Variants in WWOX observed in about 807,000 individuals in gnomAD.
WWOX encodes the protein WW domain-containing oxidoreductase.
In WWOX, 69 loss-of-function variants were observed where a neutral mutation model predicts 46.2. That is an observed-to-expected ratio of 1.49 (90% CI 1.23 to 1.82). The LOEUF (loss-of-function observed/expected upper bound fraction) is 1.82. Among genes scored for constraint, WWOX ranks in the 40% most tolerant of loss-of-function variants. The pLI is 0.00. For missense variants in WWOX, 919 were observed against 542.6 expected (o/e 1.69, Z -6.89); for synonymous variants, 359 against 202.6 (o/e 1.77, Z -6.56).
chr16:79,080,761 G>T (rs2048745925), intron 8 of WWOX, among the ~76,000 whole-genome samples: 1 of 152,146 alleles, frequency 6.6e-6, no homozygotes, highest in African/African-American at 2.4e-5. Flanking sequence ...GAAGCCAGGA[G>T]TTTGAGACCA....
intron 8 of WWOX, among the ~76,000 whole-genome samples, chr16:79,081,013 C>T (rs74753708): frequency 0.067 from 10,250 of 152,140 alleles, 423 homozygotes; most frequent in Non-Finnish European, 0.089. Context: ...CATGCACACC[C>T]ACCAGGCTCT....
intron 8 of WWOX, among the ~76,000 whole-genome samples, chr16:78,700,130 C>G (rs563922714): frequency 2.6e-5 from 4 of 151,866 alleles, no homozygotes; most frequent in East Asian, 1.9e-4. Context: ...CGTGGACTGT[C>G]TTAGTCAGTC....
At chr16:79,148,270 C>G (rs1376224660) in intron 8 of WWOX, among the ~76,000 whole-genome samples, 3 of 152,142 alleles carry the variant, frequency 2.0e-5, no homozygotes, top group Admixed American at 1.3e-4. Context: ...AGGTTAAGGT[C>G]AAGTCTAATA....
intron 8 of WWOX, among the ~76,000 whole-genome samples, chr16:78,650,301 T>A (rs766659049): frequency 6.6e-6 from 1 of 152,242 alleles, no homozygotes; most frequent in Non-Finnish European, 1.5e-5. Context: ...CCGCTTTTTG[T>A]CTTTCAGAAT....
At chr16:79,015,010 C>A (rs1164448017) in intron 8 of WWOX, among the ~76,000 whole-genome samples, 1 of 152,160 alleles carries the variant, frequency 6.6e-6, no homozygotes, top group Non-Finnish European at 1.5e-5. Context: ...GATGGAAAGG[C>A]AGAAATCCAA....
chr16:79,188,839 C>A (rs1271433766), intron 8 of WWOX, among the ~76,000 whole-genome samples: 1 of 152,220 alleles, frequency 6.6e-6, no homozygotes, highest in Non-Finnish European at 1.5e-5. Flanking sequence ...TCTCACCTTG[C>A]ATTTCTGTGG....
chr16:78,340,327 G>C (rs1211747390), intron 5 of WWOX, among the ~76,000 whole-genome samples: 1 of 116,536 alleles, frequency 8.6e-6, no homozygotes, highest in African/African-American at 2.9e-5. Flanking sequence ...CTCCCAAGTC[G>C]CTGGGACTAC....
chr16:78,107,477 C>T (rs190771050), intron 1 of WWOX, among the ~76,000 whole-genome samples: 98 of 152,236 alleles, frequency 6.4e-4, no homozygotes, highest in African/African-American at 2.3e-3. Flanking sequence ...CTTATAGTAG[C>T]CCCTGAGACC....
chr16:78,217,365 C>G (rs1291841198), intron 5 of WWOX, among the ~76,000 whole-genome samples: 1 of 152,188 alleles, frequency 6.6e-6, no homozygotes, highest in African/African-American at 2.4e-5. Flanking sequence ...TATATAGGTA[C>G]AACTCTGGTG....
chr16:78,939,399 T>A (rs1453098651), intron 8 of WWOX, among the ~76,000 whole-genome samples: 1 of 152,210 alleles, frequency 6.6e-6, no homozygotes, highest in Admixed American at 6.5e-5. Context: ...TTTTGTGCAT[T>A]ACTTTTGATT....
At chr16:78,335,640 A>G (rs901690408) in intron 5 of WWOX, among the ~76,000 whole-genome samples, 2 of 152,204 alleles carry the variant, frequency 1.3e-5, no homozygotes, top group Non-Finnish European at 2.9e-5. Flanking sequence ...ATAAAGGTAC[A>G]TGCACATGTA....
intron 8 of WWOX, among the ~76,000 whole-genome samples, chr16:79,093,024 A>G (rs949221403): frequency 6.6e-6 from 1 of 152,240 alleles, no homozygotes. Context: ...AACCGCAATT[A>G]CTTTTGCACC....
chr16:78,157,865 G>A (rs990999281), intron 4 of WWOX, among the ~76,000 whole-genome samples: 4 of 152,310 alleles, frequency 2.6e-5, no homozygotes, highest in African/African-American at 7.2e-5. Context: ...TAGGTCGTAC[G>A]AATTGGGTAA....
intron 8 of WWOX, among the ~76,000 whole-genome samples, chr16:79,158,188 A>G (rs2050418694): frequency 6.6e-6 from 1 of 152,242 alleles, no homozygotes; most frequent in Non-Finnish European, 1.5e-5. Flanking sequence ...GGGATTTCAT[A>G]GATGAGGTGA....
intron 8 of WWOX, among the ~76,000 whole-genome samples, chr16:79,031,181 C>A (rs1043324073): frequency 6.6e-6 from 1 of 151,906 alleles, no homozygotes; most frequent in African/African-American, 2.4e-5. Context: ...TATGCGGAAG[C>A]CTTCGCCCCC....
intron 8 of WWOX, among the ~76,000 whole-genome samples, chr16:78,929,895 T>C (rs180990612): frequency 3.9e-5 from 6 of 152,282 alleles, no homozygotes; most frequent in African/African-American, 1.4e-4. Context: ...TCCTTCTTTC[T>C]TAGAAGCAGA....
intron 5 of WWOX, among the ~76,000 whole-genome samples, chr16:78,204,856 C>T (rs1220614939): frequency 6.6e-6 from 1 of 152,178 alleles, no homozygotes; most frequent in Non-Finnish European, 1.5e-5. Flanking sequence ...TTATGTCTTA[C>T]CTCCTTGCCA....
Position 79,172,860 on chromosome 16 carries a change from GAAAA to G in WWOX, c.1057-38738_1057-38735del, listed in dbSNP as rs67426071. 4.1e-5 allele frequency among the ~76,000 whole-genome samples: 6 copies of G among 145,510 alleles called. No homozygotes were observed. The East Asian group carries it at 1.0e-3, about 25-fold the overall frequency. ...GGGCAATATAGACTACCTGCAAAAA[GAAAA>G]AAAAAAAAATGCCAGGTGTAGTGGT... On this transcript the variant is annotated intron_variant, in intron 8 of 8. Coordinates refer to ENST00000566780, the MANE Select transcript of WWOX (RefSeq NM_016373.4).
intron 8 of WWOX, among the ~76,000 whole-genome samples, chr16:78,823,301 G>A (rs1194329592): frequency 6.6e-6 from 1 of 152,210 alleles, no homozygotes; most frequent in Non-Finnish European, 1.5e-5. Flanking sequence ...GGGGGCTGCA[G>A]GAAGAGAGGA....
Sources: allele counts gnomAD v4.1 joint callset (sites outside exome capture counted in the v4.1 genomes callset), GRCh38; gene constraint gnomAD v4.1.1; transcripts MANE v1.5; gene names NCBI Gene and HGNC (gene_info 2026-07-23, HGNC 2026-07-21).